Variants in PPID observed in about 807,000 individuals in gnomAD.
PPID encodes the protein peptidyl-prolyl cis-trans isomerase D.
PPID carries 47 observed loss-of-function variants against 48.1 expected under a neutral mutation model. The observed-to-expected ratio is 0.98, with a 90% CI of 0.77 to 1.25. PPID has a LOEUF of 1.25. Ranked by LOEUF, PPID falls within the 50% of genes most tolerant of loss-of-function variation. PPID has a pLI of 0.00. For synonymous variants in PPID, 163 were observed against 148.8 expected (o/e 1.10, Z -0.69); for missense variants, 429 against 443.5 (o/e 0.97, Z 0.29).
At chr4:158,723,067 G>C (rs995298683) in intron 1 of PPID, 137 bp downstream of exon 1, 48 of 839,068 alleles carry the variant, frequency 5.7e-5, no homozygotes, top group Middle Eastern at 2.3e-4. Context: ...CTGCTCCGGC[G>C]GACCAGCCTA....
chr4:158,709,888 A>C (rs1343391694), intron 9 of PPID, 64 bp from the exon 10 acceptor site: 1 of 1,347,868 alleles, frequency 7.4e-7, no homozygotes, highest in Non-Finnish European at 1.0e-6. Context: ...GGTGACTAAC[A>C]AACTATTTTA....
At position 158,715,609 on chromosome 4, in the gene PPID, C is replaced by T. The variant is rs759355144; in HGVS notation, c.598G>A (p.Asp200Asn). Reference sequence around the variant, plus strand: ...TCCTCAGGGAAATCTGGATGACTGTCGCCAGAGCCATCTTTTGGGAATATT... The same window carrying T: ...TCCTCAGGGAAATCTGGATGACTGTTGCCAGAGCCATCTTTTGGGAATATT... Reference protein sequence around the residue: ...GGIFPKDGSGDSHPDFPEDAD... With the variant: ...GGIFPKDGSGNSHPDFPEDAD... The change falls in exon 5 of 10, where the codon GAC becomes AAC. Residue 200 changes from aspartate to asparagine, a missense_variant. By Grantham distance (23) the Asp-to-Asn change is conservative (BLOSUM62 1). Coordinates refer to ENST00000307720, the MANE Select transcript of PPID (RefSeq NM_005038.3). The T allele has an allele frequency of 3.7e-6, 6 of 1,613,566 alleles. No individual in the cohort carries two copies. The highest frequency in any genetic ancestry group is 2.2e-5 in the South Asian group (2 of 91,074).
Position 158,715,430 on chromosome 4 carries a change from G to A in PPID, c.646-27C>T, listed in dbSNP as rs752431891. 7 of 1,482,802 alleles carry A rather than the reference G, an allele frequency of 4.7e-6. 1 individual carries two copies. The South Asian group carries it at 6.6e-5, about 14-fold the overall frequency. 91.9% of individuals were successfully genotyped at this position (1,482,802 alleles called of 1,614,324 possible). On this transcript the variant is annotated intron_variant, in intron 5 of 9. Coordinates refer to ENST00000307720, the MANE Select transcript of PPID (RefSeq NM_005038.3). ...TGTATAAAAAAATACAAATATGTTGGATTTTAGTAAGTAATGTGGTTTAAT... is the reference window on the plus strand; with the variant it reads ...TGTATAAAAAAATACAAATATGTTGAATTTTAGTAAGTAATGTGGTTTAAT...
chr4:158,710,701 T>TAA, intron 8 of PPID, 31 bp from the exon 9 acceptor site: 1 of 1,611,836 alleles, frequency 6.2e-7, no homozygotes, highest in Non-Finnish European at 8.5e-7. Flanking sequence ...TTAAGTTAGG[T>TAA]GTATGATTTA....
At chr4:158,718,652 A>G (rs1046753665) in intron 3 of PPID, among the ~76,000 whole-genome samples, 1 of 152,182 alleles carries the variant, frequency 6.6e-6, no homozygotes, top group African/African-American at 2.4e-5. Context: ...CAAAAATATC[A>G]CTTTACTTTT....
chr4:158,716,494 G>C (rs1331852055), intron 4 of PPID, among the ~76,000 whole-genome samples: 2 of 148,426 alleles, frequency 1.3e-5, no homozygotes, highest in African/African-American at 5.0e-5. Flanking sequence ...ATCACCAAAT[G>C]AAAGTTGAAA....
rs1455602397 is a variant in PPID, at chr4:158,715,692, A to C, written c.523-8T>G. ...TTCTGCAATAACGCACAACTGTAAA[A>C]ATAACCCTAAATTGTAGAAGTGCAC... On this transcript the variant is annotated splice_region_variant and splice_polypyrimidine_tract_variant and intron_variant, in intron 4 of 9. Transcript: ENST00000307720. The C allele has an allele frequency of 6.2e-7, 1 of 1,604,376 alleles. No individual in the cohort carries two copies. Among genetic ancestry groups the C allele is most frequent in the East Asian group, 2.2e-5 (1 of 44,812 alleles).
chr4:158,721,255 C>A, intron 2 of PPID, 88 bp downstream of exon 2: 1 of 1,475,534 alleles, frequency 6.8e-7, no homozygotes, highest in Middle Eastern at 1.8e-4. Flanking sequence ...TTAAGCTTCA[C>A]TTCCTACTTA....
rs551683431 is a variant in PPID, at chr4:158,720,840, G to A, written c.226+503C>T. The stretch of plus-strand genomic sequence containing the variant: ...TGCCATTCTACTGCCTCAGCCTCCC[G>A]AGTAGCTGGGACTACAGGCGCCCAC... On this transcript the variant is annotated intron_variant, in intron 2 of 9. Coordinates refer to ENST00000307720, the MANE Select transcript of PPID (RefSeq NM_005038.3). Among the ~76,000 whole-genome samples, 784 of 151,792 alleles carry A rather than the reference G, an allele frequency of 5.2e-3. 4 individuals are homozygous for A. Among genetic ancestry groups the A allele is most frequent in the Non-Finnish European group, 8.1e-3 (549 of 67,944 alleles).
intron 4 of PPID, 108 bp downstream of exon 4, chr4:158,716,904 T>G (rs1203148617): frequency 4.5e-6 from 5 of 1,120,094 alleles, no homozygotes; most frequent in Non-Finnish European, 6.5e-6. Flanking sequence ...GAGGCTGCAG[T>G]GAGCCGAGAC....
intron 3 of PPID, among the ~76,000 whole-genome samples, chr4:158,718,165 C>T (rs1219778909): frequency 6.6e-6 from 1 of 152,180 alleles, no homozygotes; most frequent in Non-Finnish European, 1.5e-5. Flanking sequence ...TCCTTTGGTA[C>T]AACAGTAACT....
chr4:158,720,534 G>C (rs1774940016), intron 2 of PPID, among the ~76,000 whole-genome samples: 1 of 152,170 alleles, frequency 6.6e-6, no homozygotes. Flanking sequence ...AGAGCCTGCA[G>C]TCTATTGGGA....
In PPID at chr4:158,713,171, G is replaced by A; in HGVS notation, c.842C>T (p.Ala281Val). The change falls in exon 7 of 10, where the codon GCT (alanine) becomes GTT (valine). Residue 281 changes from alanine (A) to valine (V), a missense_variant. Coordinates refer to ENST00000307720, the MANE Select transcript of PPID (RefSeq NM_005038.3). ...CCAATTTGACATCTTCAGTTTACAA[G>A]CACCAATATTCAGTACACAGCTTAA... Reference protein sequence around the residue: ...IALSCVLNIGACKLKMSNWQG... With the variant: ...IALSCVLNIGVCKLKMSNWQG... The A allele has an allele frequency of 6.2e-7, 1 of 1,613,932 alleles. No homozygotes were observed. Among genetic ancestry groups the A allele is most frequent in the Non-Finnish European group, 8.5e-7 (1 of 1,179,938 alleles).
At chr4:158,722,232 T>C (rs1370459646) in intron 1 of PPID, among the ~76,000 whole-genome samples, 2 of 152,202 alleles carry the variant, frequency 1.3e-5, no homozygotes, top group African/African-American at 4.8e-5. Context: ...TAAATACAAA[T>C]AGTTTTAAAT....
chr4:158,719,312 G>T (rs1774918931), intron 2 of PPID, 26 bp from the exon 3 acceptor site: 1 of 1,442,480 alleles, frequency 6.9e-7, no homozygotes, highest in Non-Finnish European at 9.7e-7. Context: ...ATGGCTATTA[G>T]TGACTGAGAC....
chr4:158,719,611 A>G (rs1292480275), intron 2 of PPID, among the ~76,000 whole-genome samples: 2 of 152,190 alleles, frequency 1.3e-5, no homozygotes, highest in African/African-American at 4.8e-5. Flanking sequence ...TACATAACAT[A>G]TGGCATTATG....
rs1301245020 is a variant in PPID, at chr4:158,723,362, T to C, written c.-74A>G. 85 of 1,450,138 alleles carry C rather than the reference T, an allele frequency of 5.9e-5. 1 individual carries two copies. The highest frequency in any genetic ancestry group is 1.0e-4 in the South Asian group (9 of 85,836). The allele number at this position is 1,450,138 out of a possible 1,614,324, so 89.8% of individuals were successfully genotyped here. A position where few individuals can be genotyped will look rare whatever the true frequency, so the allele number is the denominator to read the frequency against. On this transcript the variant is annotated 5_prime_UTR_variant, in exon 1 of 10. Transcript: ENST00000307720. The stretch of plus-strand genomic sequence containing the variant: ...CGCCCGGGCCGCCCAAACTCCAGAG[T>C]CCGTCTCCGCCGGAGACCGGCAGCG...
At chr4:158,723,052 C>A in intron 1 of PPID, 152 bp downstream of exon 1, 1 of 735,818 alleles carries the variant, frequency 1.4e-6, no homozygotes, top group South Asian at 1.6e-5. Context: ...CCTAGATCTC[C>A]GGGCCTGCTC....
intron 7 of PPID, 131 bp from the exon 8 acceptor site, chr4:158,710,979 G>T: frequency 1.3e-6 from 1 of 778,688 alleles, no homozygotes; most frequent in Non-Finnish European, 2.1e-6. Context: ...CATGCAAATA[G>T]CTCTCCTCTG....
Sources: allele counts gnomAD v4.1 joint callset (sites outside exome capture counted in the v4.1 genomes callset), GRCh38; gene constraint gnomAD v4.1.1; transcripts MANE v1.5; gene names NCBI Gene and HGNC (gene_info 2026-07-23, HGNC 2026-07-21).